TRHDE: variants seen among roughly 807,000 people sequenced by gnomAD.
The protein encoded by TRHDE is thyrotropin-releasing hormone-degrading ectoenzyme.
TRHDE carries 72 observed loss-of-function variants against 125.7 expected under a neutral mutation model. That is an observed-to-expected ratio of 0.57 (90% confidence interval 0.47 to 0.70). TRHDE has a LOEUF of 0.70. Among genes scored for constraint, TRHDE ranks in the 30% least tolerant of loss-of-function variants. The probability of loss-of-function intolerance (pLI) is 0.00; values close to 1 mark genes in which losing one functional copy is unlikely to be tolerated. For synonymous variants in TRHDE, 509 were observed against 509.1 expected, an observed-to-expected ratio of 1.00 and a Z score of 0.00; for missense variants, 1,110 against 1,327.1, an observed-to-expected ratio of 0.84 and a Z score of 2.54.
At chr12:72,333,430 A>G (rs546908739) in intron 2 of TRHDE, among the ~76,000 whole-genome samples, 1 of 152,360 alleles carries the variant, frequency 6.6e-6, no homozygotes, top group African/African-American at 2.4e-5. Context: ...CCGGGCGAAG[A>G]GAATTGAGAC....
In TRHDE at chr12:72,526,546, C is replaced by A. The variant is rs188387319; in HGVS notation, c.1723-15745C>A. On this transcript the variant is annotated intron_variant, in intron 6 of 18. Coordinates refer to ENST00000261180, the MANE Select transcript of TRHDE (RefSeq NM_013381.3). ...CAATTATTCTGTAAACATAAATATG[C>A]AAAGATATTTTCTCAAATACTGTAA... Among the ~76,000 whole-genome samples, 231 of 152,180 alleles carry A rather than the reference C, an allele frequency of 1.5e-3. 1 individual carries two copies. Among genetic ancestry groups the A allele is most frequent in the East Asian group, 0.013 (68 of 5,180 alleles).
intron 12 of TRHDE, among the ~76,000 whole-genome samples, chr12:72,598,953 A>G (rs1409182891): frequency 3.3e-5 from 5 of 152,008 alleles, no homozygotes; most frequent in African/African-American, 4.8e-5. Context: ...CCTATTGTTT[A>G]GCTCCCACTT....
chr12:72,267,574 A>G (rs1357956334), upstream of TRHDE, among the ~76,000 whole-genome samples: 1 of 151,992 alleles, frequency 6.6e-6, no homozygotes, highest in Non-Finnish European at 1.5e-5. Flanking sequence ...AACAACTTCA[A>G]GTATGAGGCT....
intron 2 of TRHDE, among the ~76,000 whole-genome samples, chr12:72,244,769 G>A (rs1878544177): frequency 6.6e-6 from 1 of 152,000 alleles, no homozygotes; most frequent in African/African-American, 2.4e-5. Flanking sequence ...AAATGAAAAT[G>A]TAAGTTCAGA....
intron 15 of TRHDE, among the ~76,000 whole-genome samples, chr12:72,640,666 A>G (rs148800817): frequency 1.7e-3 from 253 of 152,162 alleles, no homozygotes; most frequent in African/African-American, 5.9e-3. Flanking sequence ...TCACGCATCA[A>G]TGCAGAAATC....
chr12:72,231,415 G>C (rs1878243384), intron 2 of TRHDE, among the ~76,000 whole-genome samples: 1 of 152,114 alleles, frequency 6.6e-6, no homozygotes, highest in Non-Finnish European at 1.5e-5. Flanking sequence ...CCCCCTTTTG[G>C]AGGAATATTA....
At chr12:72,293,429 C>T (rs149791187) in intron 2 of TRHDE, among the ~76,000 whole-genome samples, 3 of 152,110 alleles carry the variant, frequency 2.0e-5, no homozygotes. Flanking sequence ...TACAGATGGA[C>T]CTAGGGCTTG....
intron 2 of TRHDE, among the ~76,000 whole-genome samples, chr12:72,363,782 A>G (rs935813494): frequency 2.6e-5 from 4 of 152,098 alleles, no homozygotes; most frequent in Admixed American, 6.6e-5. Context: ...GCAATGAGGC[A>G]GGAGAAGGAA....
intron 2 of TRHDE, among the ~76,000 whole-genome samples, chr12:72,111,075 T>C (rs1486454058): frequency 1.3e-5 from 2 of 152,178 alleles, no homozygotes; most frequent in African/African-American, 2.4e-5. Flanking sequence ...TTACCAGCTA[T>C]AATTCCATGT....
At chr12:72,172,629 A>G (rs1337415405) in intron 2 of TRHDE, among the ~76,000 whole-genome samples, 5 of 152,182 alleles carry the variant, frequency 3.3e-5, no homozygotes, top group Non-Finnish European at 7.4e-5. Flanking sequence ...GAAATATCAA[A>G]GAAGGTTTCA....
At chr12:72,383,829 G>A (rs1190078375) in intron 3 of TRHDE, among the ~76,000 whole-genome samples, 1 of 151,356 alleles carries the variant, frequency 6.6e-6, no homozygotes, top group Non-Finnish European at 1.5e-5. Flanking sequence ...AACCCAGGCT[G>A]TCTGGCTCCA....
chr12:72,212,038 A>G (rs1565663799), intron 2 of TRHDE, among the ~76,000 whole-genome samples: 5 of 152,170 alleles, frequency 3.3e-5, no homozygotes, highest in Admixed American at 2.0e-4. Flanking sequence ...ATACACAAAA[A>G]TTAGAATACA....
intron 12 of TRHDE, among the ~76,000 whole-genome samples, chr12:72,618,101 G>A (rs761623552): frequency 6.6e-6 from 1 of 152,058 alleles, no homozygotes; most frequent in Non-Finnish European, 1.5e-5. Flanking sequence ...GATTTTGCAA[G>A]AATATTATAT....
intron 15 of TRHDE, among the ~76,000 whole-genome samples, chr12:72,649,414 A>G (rs1313811597): frequency 6.6e-6 from 1 of 152,154 alleles, no homozygotes; most frequent in Non-Finnish European, 1.5e-5. Context: ...AAATGAATTA[A>G]AGAGTTAAAT....
chr12:72,243,690 C>T (rs1260002250), intron 2 of TRHDE, among the ~76,000 whole-genome samples: 1 of 152,156 alleles, frequency 6.6e-6, no homozygotes, highest in Non-Finnish European at 1.5e-5. Context: ...AGAATTCCCC[C>T]TTTTCTGGTT....
intron 2 of TRHDE, among the ~76,000 whole-genome samples, chr12:72,204,149 C>T (rs888666729): frequency 1.3e-5 from 2 of 152,166 alleles, no homozygotes; most frequent in Non-Finnish European, 1.5e-5. Flanking sequence ...TTGAACCATA[C>T]ACTCTTGAAT....
At chr12:72,556,535 T>G (rs1195295252) in intron 7 of TRHDE, among the ~76,000 whole-genome samples, 1 of 152,222 alleles carries the variant, frequency 6.6e-6, no homozygotes, top group East Asian at 1.9e-4. Flanking sequence ...TTCATAGTCC[T>G]AGGACGAAGC....
chr12:72,255,011 C>A (rs1335309504), intron 2 of TRHDE: 1 of 152,256 alleles, frequency 6.6e-6, no homozygotes, highest in Non-Finnish European at 1.5e-5. Flanking sequence ...TTCAGTTAGG[C>A]TTTTTCCTCC....
intron 2 of TRHDE, among the ~76,000 whole-genome samples, chr12:72,160,864 G>C (rs1026960657): frequency 1.3e-5 from 2 of 151,966 alleles, no homozygotes; most frequent in African/African-American, 2.4e-5. Context: ...TAGAATTCTG[G>C]GGCAATGTAC....
Sources: allele counts gnomAD v4.1 joint callset (sites outside exome capture counted in the v4.1 genomes callset), GRCh38; gene constraint gnomAD v4.1.1; transcripts MANE v1.5; gene names NCBI Gene and HGNC (gene_info 2026-07-23, HGNC 2026-07-21).